Variants in RTKN2 observed in about 807,000 individuals in gnomAD.
RTKN2 encodes the protein rhotekin-2.
Under a neutral mutation model 71.5 loss-of-function variants are expected in RTKN2, and 69 were observed. That is an observed-to-expected ratio of 0.96 (90% CI 0.79 to 1.18). The LOEUF is 1.18. RTKN2 is among the 50% of genes most tolerant of loss of function. RTKN2 has a pLI of 0.00. For missense variants in RTKN2, 724 were observed against 719.7 expected (o/e 1.01, Z -0.07); for synonymous variants, 236 against 236.5 (o/e 1.00, Z 0.02).
intron 1 of RTKN2, among the ~76,000 whole-genome samples, chr10:62,268,338 G>A (rs1273478461): frequency 6.6e-6 from 1 of 152,244 alleles, no homozygotes; most frequent in Non-Finnish European, 1.5e-5. Flanking sequence ...TTCCCAATCC[G>A]GACCTCAGCT....
chr10:62,260,109 C>A (rs889177396), intron 2 of RTKN2, among the ~76,000 whole-genome samples: 1 of 152,156 alleles, frequency 6.6e-6, no homozygotes. Flanking sequence ...ACTCTGGCAG[C>A]AATATAAAAC....
rs1283122714 is a variant in RTKN2 at position 62,197,446 on chromosome 10, A to G, written c.*462T>C. ...CATTAGATGAGAATTCCAGAATGCT[A>G]AGAAAATTTTCTTGGGTGGATTCTA... On this transcript the variant is annotated 3_prime_UTR_variant, in exon 12 of 12. Transcript: ENST00000373789. The G allele has an allele frequency of 2.0e-6, 2 of 986,470 alleles. No homozygotes were observed. The highest frequency in any genetic ancestry group is 2.4e-6 in the Non-Finnish European group (2 of 830,460). The allele number at this position is 986,470 out of a possible 1,614,324, so 61.1% of individuals were successfully genotyped here. A position where few individuals can be genotyped will look rare whatever the true frequency, so the allele number is the denominator to read the frequency against.
chr10:62,205,641 T>C (rs957629544), intron 9 of RTKN2, among the ~76,000 whole-genome samples: 1 of 152,230 alleles, frequency 6.6e-6, no homozygotes, highest in Non-Finnish European at 1.5e-5. Flanking sequence ...TTTAAATTAT[T>C]TTTAAAGTGC....
intron 2 of RTKN2, chr10:62,259,108 GT>G: frequency 2.4e-6 from 1 of 414,678 alleles, no homozygotes; most frequent in Non-Finnish European, 4.8e-6. Flanking sequence ...TCTCATGATA[GT>G]GAGTAAGTCT....
intron 3 of RTKN2, among the ~76,000 whole-genome samples, chr10:62,242,884 G>A (rs1842406874): frequency 6.6e-6 from 1 of 152,068 alleles, no homozygotes; most frequent in Admixed American, 6.5e-5. Flanking sequence ...GCCTGCTTTG[G>A]CCTCTCAGTG....
At position 62,252,158 on chromosome 10, in the gene RTKN2, T is replaced by C. The variant is rs147914745; in HGVS notation, c.258-6101A>G. 8.0e-4 allele frequency among the ~76,000 whole-genome samples: 121 copies of C among 152,166 alleles called. No individual in the cohort carries two copies. In the East Asian group the frequency reaches 0.018, roughly 22 times the overall value. ...CCCAAAATGTGCCAAATGGTCAGCC[T>C]TACACACATTCCAGTAAAATAATCA... On this transcript the variant is annotated intron_variant, in intron 2 of 11. Transcript: ENST00000373789.
chr10:62,245,226 C>A (rs982267902), intron 3 of RTKN2, among the ~76,000 whole-genome samples: 1 of 151,998 alleles, frequency 6.6e-6, no homozygotes, highest in Admixed American at 6.6e-5. Context: ...GGTCTCCTAA[C>A]TGCATTAGGA....
Position 62,196,699 on chromosome 10 carries a change from T to C in RTKN2, c.*1209A>G. On this transcript the variant is annotated 3_prime_UTR_variant, in exon 12 of 12. Coordinates refer to ENST00000373789, the MANE Select transcript of RTKN2 (RefSeq NM_145307.4). ...CAATGACATTTAGGGTTCAGTGTGA[T>C]TTGAGATTTTTAGTGCTGTTGCTGA... 1 of 985,152 alleles carries C rather than the reference T, an allele frequency of 1.0e-6. No individual in the cohort carries two copies. Among genetic ancestry groups the C allele is most frequent in the Non-Finnish European group, 1.2e-6 (1 of 829,662 alleles). 61.0% of individuals were successfully genotyped at this position (985,152 alleles called of 1,614,324 possible). A position where few individuals can be genotyped will look rare whatever the true frequency, so the allele number is the denominator to read the frequency against.
At chr10:62,229,156 C>G (rs1842095822) in intron 6 of RTKN2, among the ~76,000 whole-genome samples, 1 of 152,046 alleles carries the variant, frequency 6.6e-6, no homozygotes, top group Admixed American at 6.5e-5. Flanking sequence ...TTTTCCAAGG[C>G]AAGTATGACA....
chr10:62,240,832 T>C (rs1334835927), intron 4 of RTKN2, among the ~76,000 whole-genome samples: 1 of 152,226 alleles, frequency 6.6e-6, no homozygotes, highest in African/African-American at 2.4e-5. Context: ...ATGTTGGCTT[T>C]ACCTTTATTC....
At chr10:62,250,655 G>GA in intron 2 of RTKN2, among the ~76,000 whole-genome samples, 1 of 152,044 alleles carries the variant, frequency 6.6e-6, no homozygotes, top group Admixed American at 6.5e-5. Flanking sequence ...TTTGAGGAAG[G>GA]GTCTCACTCT....
At chr10:62,253,986 G>C (rs537343279) in intron 2 of RTKN2, among the ~76,000 whole-genome samples, 2 of 152,112 alleles carry the variant, frequency 1.3e-5, no homozygotes, top group Admixed American at 1.3e-4. Context: ...TTCTTGGGGT[G>C]GGAACCGTGA....
Position 62,217,118 on chromosome 10 carries a change from C to T in RTKN2, c.1020G>A (p.Lys340=). Residue 340 remains lysine, a splice_region_variant and synonymous_variant, in exon 9 of 12, where the codon AAG becomes AAA. Transcript: ENST00000373789. ...VEPALVVPIN[K]ETRIRAMDKD... ...TTTCTCAAAATAGCATTTCCTTTAC[C>T]TTGTTAATGGGTACTACCAAAGCTG... The T allele has an allele frequency of 6.4e-7, 1 of 1,558,400 alleles. No individual in the cohort carries two copies. The highest frequency in any genetic ancestry group is 8.6e-7 in the Non-Finnish European group (1 of 1,157,860).
chr10:62,220,622 AC>A (rs564127527), intron 7 of RTKN2, among the ~76,000 whole-genome samples: 216 of 152,314 alleles, frequency 1.4e-3, no homozygotes, highest in African/African-American at 4.7e-3. Flanking sequence ...TGCAAAAAGA[AC>A]AAAAGCTACA....
At chr10:62,192,034 A>G (rs752394168), downstream of RTKN2, among the ~76,000 whole-genome samples, 2 of 148,380 alleles carry the variant, frequency 1.3e-5, no homozygotes, top group Non-Finnish European at 3.0e-5. Flanking sequence ...AATAAACACA[A>G]CTATATTATA....
intron 10 of RTKN2, among the ~76,000 whole-genome samples, chr10:62,203,134 T>C (rs991332036): frequency 6.6e-6 from 1 of 151,944 alleles, no homozygotes; most frequent in African/African-American, 2.4e-5. Flanking sequence ...CACTCCAGCC[T>C]GGGCAAGAAG....
chr10:62,195,220 A>G lies in RTKN2; in HGVS notation c.*2688T>C. On this transcript the variant is annotated 3_prime_UTR_variant, in exon 12 of 12. Coordinates refer to ENST00000373789, the MANE Select transcript of RTKN2 (RefSeq NM_145307.4). ...CATAAAATATCTATTCTGTTTCCCC[A>G]ATTATATTATCAAGAGCTGACAGCT... The G allele has an allele frequency of 1.0e-6, 1 of 979,432 alleles. No homozygotes were observed. 60.7% of individuals were successfully genotyped at this position (979,432 alleles called of 1,614,324 possible). A position where few individuals can be genotyped will look rare whatever the true frequency, so the allele number is the denominator to read the frequency against.
At chr10:62,189,140 G>T (rs1329482512), downstream of RTKN2, among the ~76,000 whole-genome samples, 1 of 150,252 alleles carries the variant, frequency 6.7e-6, no homozygotes, top group African/African-American at 2.5e-5. Context: ...GTCAACTCTG[G>T]CATTACCAAT....
chr10:62,228,295 GA>G (rs1204576874), intron 6 of RTKN2, among the ~76,000 whole-genome samples: 1 of 152,200 alleles, frequency 6.6e-6, no homozygotes, highest in East Asian at 1.9e-4. Flanking sequence ...GAAAAATCAA[GA>G]AAGTGGTATT....
Sources: allele counts gnomAD v4.1 joint callset (sites outside exome capture counted in the v4.1 genomes callset), GRCh38; gene constraint gnomAD v4.1.1; transcripts MANE v1.5; gene names NCBI Gene and HGNC (gene_info 2026-07-23, HGNC 2026-07-21).